The following SLIT1 variants were observed in gnomAD, a reference collection of about 807,000 sequenced individuals.
SLIT1 encodes slit homolog 1 protein.
A neutral mutation model predicts 186.1 loss-of-function variants in SLIT1; 66 were observed. The observed-to-expected ratio is 0.35, with a 90% confidence interval of 0.29 to 0.44. SLIT1 has a LOEUF of 0.44. SLIT1 is among the 20% of genes least tolerant of loss of function. The probability of loss-of-function intolerance (pLI) is 1.00; values close to 1 mark genes in which losing one functional copy is unlikely to be tolerated. For missense variants in SLIT1, 1,638 were observed against 2,037.4 expected (o/e 0.80, Z 3.77); for synonymous variants, 761 against 833.8 (o/e 0.91, Z 1.50).
At chr10:97,093,215 G>C (rs764307370) in intron 4 of SLIT1, among the ~76,000 whole-genome samples, 1 of 152,238 alleles carries the variant, frequency 6.6e-6, no homozygotes. Flanking sequence ...TTGAGACCCT[G>C]GGAGGGCAGT....
intron 24 of SLIT1, among the ~76,000 whole-genome samples, chr10:97,031,382 CT>C (rs1848589257): frequency 6.6e-6 from 1 of 152,206 alleles, no homozygotes; most frequent in South Asian, 2.1e-4. Flanking sequence ...CCACCACAAA[CT>C]CATCTTGGGG....
intron 4 of SLIT1, among the ~76,000 whole-genome samples, chr10:97,085,087 C>T (rs1160765566): frequency 2.0e-5 from 3 of 152,016 alleles, no homozygotes; most frequent in Non-Finnish European, 4.4e-5. Flanking sequence ...CCACACCCGG[C>T]TAATTTTTTG....
chr10:97,140,481 C>T (rs1303978945), intron 4 of SLIT1, among the ~76,000 whole-genome samples: 2 of 152,230 alleles, frequency 1.3e-5, no homozygotes, highest in Admixed American at 1.3e-4. Context: ...GTTTGCACAG[C>T]ACGAGTGGGC....
chr10:97,071,878 G>T (rs966668258), intron 4 of SLIT1, among the ~76,000 whole-genome samples: 10 of 152,228 alleles, frequency 6.6e-5, no homozygotes. Flanking sequence ...AATTAATGGG[G>T]TTTGAGTGTC....
intron 1 of SLIT1, among the ~76,000 whole-genome samples, chr10:97,174,880 T>A (rs753624166): frequency 1.3e-5 from 2 of 152,212 alleles, no homozygotes; most frequent in Non-Finnish European, 2.9e-5. Context: ...AATAATTAGT[T>A]GTTAATTGTG....
chr10:97,048,155 G>A (rs920599246), intron 14 of SLIT1, among the ~76,000 whole-genome samples, 159 bp from the exon 15 acceptor site: 5 of 152,242 alleles, frequency 3.3e-5, no homozygotes, highest in East Asian at 3.8e-4. Flanking sequence ...TACAGAGCAC[G>A]CATGTTCCTT....
In SLIT1 at chr10:97,157,904, A is replaced by G. The variant is rs1233985441; in HGVS notation, c.342-15T>C. ...GGTTCAGTCGCCTATAAAAGAGAAG[A>G]AGAATTGGAAATCACCTAGACAGCC... On this transcript the variant is annotated splice_polypyrimidine_tract_variant and intron_variant, in intron 3 of 36. Transcript: ENST00000266058. 4 of 1,600,962 alleles carry G rather than the reference A, an allele frequency of 2.5e-6. No individual in the cohort carries two copies.
At chr10:97,111,145 G>C (rs998331361) in intron 4 of SLIT1, among the ~76,000 whole-genome samples, 1 of 151,580 alleles carries the variant, frequency 6.6e-6, no homozygotes, top group African/African-American at 2.4e-5. Context: ...AGCTGGGGTC[G>C]CACTACTGCA....
At chr10:97,141,674 A>AT (rs1849760344) in intron 4 of SLIT1, among the ~76,000 whole-genome samples, 1 of 96,622 alleles carries the variant, frequency 1.0e-5, no homozygotes, top group Non-Finnish European at 1.9e-5. Flanking sequence ...ATTGCATTGT[A>AT]TCGTATTGTA....
At chr10:97,089,714 A>G (rs1472622138) in intron 4 of SLIT1, among the ~76,000 whole-genome samples, 1 of 152,114 alleles carries the variant, frequency 6.6e-6, no homozygotes, top group Non-Finnish European at 1.5e-5. Flanking sequence ...CTGAGGGATC[A>G]AGGCCAGCAG....
chr10:97,063,553 T>C lies in SLIT1; in HGVS notation c.695A>G (p.Gln232Arg), dbSNP rs141934635. 6 of 1,613,232 alleles carry C rather than the reference T, an allele frequency of 3.7e-6. No homozygotes were observed. Among genetic ancestry groups the C allele is most frequent in the Non-Finnish European group, 5.1e-6 (6 of 1,179,882 alleles). The change falls in exon 8 of 37, where the codon CAG becomes CGG. Residue 232 changes from glutamine to arginine, a missense_variant. By Grantham distance (43) the Gln-to-Arg change is conservative. Transcript: ENST00000266058. ...GGTGAAGAGCCCGATGGTTGGCCGC[T>C]GCCTCAGCCACTGCGAGAGCCAGGC... ...HLAWLSQWLR[Q>R]RPTIGLFTQC...
At chr10:97,012,406 A>C (rs1848419660) in intron 30 of SLIT1, among the ~76,000 whole-genome samples, 1 of 152,230 alleles carries the variant, frequency 6.6e-6, no homozygotes, top group African/African-American at 2.4e-5. Flanking sequence ...AATGCCAGGC[A>C]CAGCTGAACA....
chr10:97,163,312 G>A (rs1850056612), intron 3 of SLIT1, 68 bp downstream of exon 3: 9 of 1,374,670 alleles, frequency 6.5e-6, no homozygotes, highest in Non-Finnish European at 8.3e-6. Flanking sequence ...CCTGGCAGCA[G>A]CTTGGCCTGC....
At chr10:97,085,467 A>C (rs180840696) in intron 4 of SLIT1, among the ~76,000 whole-genome samples, 80 of 151,684 alleles carry the variant, frequency 5.3e-4, no homozygotes, top group African/African-American at 1.7e-3. Flanking sequence ...GGCTCACTGC[A>C]ACCTCTGCCC....
intron 4 of SLIT1, among the ~76,000 whole-genome samples, chr10:97,121,101 T>C (rs1399122191): frequency 6.6e-6 from 1 of 152,220 alleles, no homozygotes; most frequent in Non-Finnish European, 1.5e-5. Context: ...TCTCCTTCTG[T>C]AGACCTATTC....
At chr10:97,185,054 C>A (rs1850392532) in intron 1 of SLIT1, among the ~76,000 whole-genome samples, 2 of 152,262 alleles carry the variant, frequency 1.3e-5, no homozygotes, top group Admixed American at 6.5e-5. Flanking sequence ...GGAATCTGCG[C>A]AGCTGGCTCA....
At chr10:97,178,504 T>C (rs1339539091) in intron 1 of SLIT1, among the ~76,000 whole-genome samples, 3 of 152,162 alleles carry the variant, frequency 2.0e-5, no homozygotes, top group Non-Finnish European at 4.4e-5. Context: ...CTAAAGACCA[T>C]GACCATTAAA....
chr10:97,079,223 A>C (rs1051237270), intron 4 of SLIT1, among the ~76,000 whole-genome samples: 7 of 152,224 alleles, frequency 4.6e-5, no homozygotes, highest in Non-Finnish European at 1.0e-4. Flanking sequence ...CAAAATAGGC[A>C]AAACTAATCT....
chr10:97,019,040 G>A lies in SLIT1; in HGVS notation c.2814C>T (p.Gly938=), dbSNP rs560964771. The A allele has an allele frequency of 1.9e-6, 3 of 1,613,918 alleles. No individual in the cohort carries two copies. Among genetic ancestry groups the A allele is most frequent in the African/African-American group, 2.7e-5 (2 of 75,018 alleles). The change falls in exon 27 of 37, where the codon GGC becomes GGT. Residue 938 remains glycine, a synonymous_variant. Coordinates refer to ENST00000266058, the MANE Select transcript of SLIT1 (RefSeq NM_003061.3). ...CCTCAAGGGGGTCGTTGTGGCAGGT[G>A]CCCTGGTTCTGGCACGGACTGGACA... The part of the protein sequence containing the change: ...LCLSSPCQNQ[G]TCHNDPLEVY...
Sources: gnomAD v4.1 joint callset for allele counts (sites outside exome capture counted in the v4.1 genomes callset) on GRCh38, gnomAD v4.1.1 for gene constraint, MANE v1.5 for transcripts, NCBI Gene and HGNC (gene_info 2026-07-23, HGNC 2026-07-21) for gene names.